The following AR variants were observed in gnomAD, a reference collection of about 807,000 sequenced individuals.
AR encodes dihydrotestosterone receptor.
A neutral mutation model predicts 53.9 loss-of-function variants in AR; 8 were observed. The ratio of observed to expected loss-of-function variants is 0.15; its 90% CI spans 0.09 to 0.27. AR has a LOEUF of 0.27. Among genes scored for constraint, AR ranks in the 10% least tolerant of loss-of-function variants. The pLI is 1.00. For missense variants in AR, 639 were observed against 742.5 expected (o/e 0.86, Z 1.62); for synonymous variants, 359 against 316.4 (o/e 1.13, Z -1.43).
chrX:67,608,106 G>A (rs1041014858), intron 1 of AR, among the ~76,000 whole-genome samples: 8 of 112,312 alleles, frequency 7.1e-5, no homozygotes, highest in South Asian at 3.7e-4. Context: ...AGATGTATCT[G>A]TAAATCTAGT....
At chrX:67,660,571 A>C (rs1926844412) in intron 2 of AR, among the ~76,000 whole-genome samples, 1 of 111,265 alleles carries the variant, frequency 9.0e-6, no homozygotes, top group Admixed American at 9.6e-5. Flanking sequence ...CCATTGGTCT[A>C]TATCTCTGTT....
chrX:67,599,443 T>A (rs1473119961), intron 1 of AR, among the ~76,000 whole-genome samples: 1 of 111,946 alleles, frequency 8.9e-6, no homozygotes, highest in African/African-American at 3.2e-5. Context: ...CCATTTTGGG[T>A]AATTATAAAC....
At chrX:67,616,856 C>G (rs1050943388) in intron 1 of AR, among the ~76,000 whole-genome samples, 2 of 111,066 alleles carry the variant, frequency 1.8e-5, no homozygotes, top group East Asian at 5.7e-4. Flanking sequence ...GACCAGCAAA[C>G]ACGCTGGTCC....
intron 1 of AR, among the ~76,000 whole-genome samples, chrX:67,611,335 TG>T (rs1470345722): frequency 4.5e-5 from 5 of 111,689 alleles, no homozygotes; most frequent in African/African-American, 9.7e-5. Context: ...TCTTTTCACA[TG>T]TTTTTTTGGC....
At chrX:67,567,372 A>G (rs746099816) in intron 1 of AR, among the ~76,000 whole-genome samples, 3 of 111,394 alleles carry the variant, frequency 2.7e-5, no homozygotes, top group Non-Finnish European at 5.7e-5. Flanking sequence ...CTTACCCACA[A>G]TGTTCCCTGA....
chrX:67,656,601 A>G lies in AR; in HGVS notation c.1768+13194A>G, dbSNP rs774926743. Among the ~76,000 whole-genome samples, 197 of 111,951 alleles carry G rather than the reference A, an allele frequency of 1.8e-3. 1 individual carries two copies. Among genetic ancestry groups the G allele is most frequent in the Non-Finnish European group, 3.1e-3 (167 of 53,166 alleles). On this transcript the variant is annotated intron_variant, in intron 2 of 7. Transcript: ENST00000374690. ...TAAGTGCATACTTAATCCTCACAAC[A>G]ATGCTATAAGATAGTAGATACTCTT...
chrX:67,663,774 G>T lies in AR; in HGVS notation c.1768+20367G>T, dbSNP rs138022796. Among the ~76,000 whole-genome samples, 1,087 of 112,264 alleles carry T rather than the reference G, an allele frequency of 9.7e-3. 6 individuals are homozygous for T. The highest frequency in any genetic ancestry group is 0.016 in the Non-Finnish European group (844 of 53,256). On this transcript the variant is annotated intron_variant, in intron 2 of 7. Transcript: ENST00000374690. The stretch of plus-strand genomic sequence containing the variant: ...CTTTCAGGTACACCAATCAGACATA[G>T]ATTTGGTCTTTTCACATAGTCCCAT...
chrX:67,576,111 C>T (rs1456530309), intron 1 of AR, among the ~76,000 whole-genome samples: 2 of 110,773 alleles, frequency 1.8e-5, no homozygotes, highest in East Asian at 2.9e-4. Context: ...TGGGAGACTT[C>T]GAATTTTTGT....
At chrX:67,645,403 G>C (rs917719335) in intron 2 of AR, among the ~76,000 whole-genome samples, 3 of 111,053 alleles carry the variant, frequency 2.7e-5, no homozygotes, top group African/African-American at 9.8e-5. Context: ...CCTGGGAGGA[G>C]CTCTGCAATG....
At chrX:67,668,406 T>TA (rs1927369754) in intron 2 of AR, among the ~76,000 whole-genome samples, 2 of 112,166 alleles carry the variant, frequency 1.8e-5, no homozygotes, top group African/African-American at 6.5e-5. Flanking sequence ...CATCCCGTGG[T>TA]AAATCCCACT....
intron 1 of AR, among the ~76,000 whole-genome samples, chrX:67,552,035 G>A (rs1483261118): frequency 1.8e-5 from 2 of 112,054 alleles, no homozygotes; most frequent in Non-Finnish European, 3.8e-5. Context: ...TTATTGAGAC[G>A]TAATTTACAA....
At position 67,590,643 on chromosome X, in the gene AR, C is replaced by A. The variant is rs900663856; in HGVS notation, c.1616+43881C>A. Among the ~76,000 whole-genome samples, 6 of 111,968 alleles carry A rather than the reference C, an allele frequency of 5.4e-5. No individual in the cohort carries two copies. In the Admixed American group the frequency reaches 5.7e-4, roughly 11 times the overall value. On this transcript the variant is annotated intron_variant, in intron 1 of 7. Coordinates refer to ENST00000374690, the MANE Select transcript of AR (RefSeq NM_000044.6). ...CTCTTCTATTTTCTTGCCTTTTGTA[C>A]AGCATGGATAATTTAGATGTGACTC...
At chrX:67,689,315 C>T (rs1389908432) in intron 3 of AR, among the ~76,000 whole-genome samples, 1 of 111,103 alleles carries the variant, frequency 9.0e-6, no homozygotes, top group East Asian at 2.9e-4. Context: ...TAAAAGTAGA[C>T]TAGACAGATT....
chrX:67,581,747 G>T (rs1024273276), intron 1 of AR, among the ~76,000 whole-genome samples: 1 of 111,697 alleles, frequency 9.0e-6, no homozygotes, highest in Non-Finnish European at 1.9e-5. Flanking sequence ...CCAGTAAGCC[G>T]CTAAGCCTAG....
chrX:67,648,746 G>T (rs763050854), intron 2 of AR, among the ~76,000 whole-genome samples: 1 of 112,191 alleles, frequency 8.9e-6, no homozygotes, highest in Non-Finnish European at 1.9e-5. Context: ...GGATTAATAA[G>T]AAGTTGCCAT....
chrX:67,725,485 C>A lies in AR; in HGVS notation c.*1644C>A. 1 of 175,828 alleles carries A rather than the reference C, an allele frequency of 5.7e-6. No homozygotes were observed. 14.5% of individuals were successfully genotyped at this position (175,828 alleles called of 1,213,427 possible). On this transcript the variant is annotated 3_prime_UTR_variant, in exon 8 of 8. Coordinates refer to ENST00000374690, the MANE Select transcript of AR (RefSeq NM_000044.6). Reference sequence around the variant, plus strand: ...ATTACCAGGGTGGGAAGAATGAAGGCACTAGAACCAGAAACCCTGCAAATG... The same window carrying A: ...ATTACCAGGGTGGGAAGAATGAAGGAACTAGAACCAGAAACCCTGCAAATG...
chrX:67,580,241 C>T (rs774303796), intron 1 of AR, among the ~76,000 whole-genome samples: 2 of 109,920 alleles, frequency 1.8e-5, no homozygotes, highest in South Asian at 3.9e-4. Context: ...CAAACCCTAA[C>T]GAAAAAATTT....
intron 2 of AR, among the ~76,000 whole-genome samples, chrX:67,677,265 G>C (rs2075905742): frequency 9.0e-6 from 1 of 111,604 alleles, no homozygotes; most frequent in Non-Finnish European, 1.9e-5. Flanking sequence ...GATCTTCCAG[G>C]ACCTGGGCTG....
intron 1 of AR, among the ~76,000 whole-genome samples, chrX:67,559,933 T>C (rs945271254): frequency 3.6e-5 from 4 of 112,253 alleles, no homozygotes; most frequent in African/African-American, 1.3e-4. Context: ...TTTGCAATTG[T>C]TCATCTGAAA....
Sources: allele counts gnomAD v4.1 joint callset (sites outside exome capture counted in the v4.1 genomes callset), GRCh38; gene constraint gnomAD v4.1.1; transcripts MANE v1.5; gene names NCBI Gene and HGNC (gene_info 2026-07-23, HGNC 2026-07-21).